Variants in SDK1 observed in about 807,000 individuals in gnomAD.
SDK1 encodes the protein sidekick cell adhesion molecule 1.
A neutral mutation model predicts 245.5 loss-of-function variants in SDK1; 157 were observed. The ratio of observed to expected loss-of-function variants is 0.64; its 90% CI spans 0.56 to 0.73. The LOEUF is 0.73. Among genes scored for constraint, SDK1 ranks in the 30% least tolerant of loss-of-function variants. The probability of loss-of-function intolerance (pLI) is 0.00; values close to 1 mark genes in which losing one functional copy is unlikely to be tolerated. For synonymous variants in SDK1, 1,647 were observed against 1,278.5 expected (o/e 1.29, Z -6.15); for missense variants, 3,583 against 3,002.3 (o/e 1.19, Z -4.52).
intron 1 of SDK1, among the ~76,000 whole-genome samples, chr7:3,384,304 C>G (rs1030777353): frequency 1.3e-5 from 2 of 152,060 alleles, no homozygotes; most frequent in African/African-American, 4.8e-5. Context: ...GAAATATACT[C>G]TGATTTTCAT....
chr7:3,753,962 A>G (rs1012900610), intron 4 of SDK1, among the ~76,000 whole-genome samples: 4 of 152,268 alleles, frequency 2.6e-5, no homozygotes, highest in African/African-American at 9.6e-5. Context: ...TGATTTGATG[A>G]GGAAAATCTA....
chr7:3,547,131 T>G (rs1779248594), intron 1 of SDK1, among the ~76,000 whole-genome samples: 2 of 152,334 alleles, frequency 1.3e-5, no homozygotes, highest in African/African-American at 4.8e-5. Flanking sequence ...TATTATGATT[T>G]AACCCTAATG....
chr7:3,417,867 A>G (rs1368913677), intron 1 of SDK1, among the ~76,000 whole-genome samples: 1 of 152,124 alleles, frequency 6.6e-6, no homozygotes, highest in Non-Finnish European at 1.5e-5. Flanking sequence ...AATTCATTGG[A>G]TGTTTTACAA....
intron 4 of SDK1, among the ~76,000 whole-genome samples, chr7:3,677,246 T>C (rs1435368281): frequency 2.0e-5 from 3 of 152,112 alleles, no homozygotes; most frequent in African/African-American, 4.8e-5. Flanking sequence ...ACTATTTTTA[T>C]TTAACATACG....
At chr7:4,104,109 G>A (rs936220048) in intron 22 of SDK1, among the ~76,000 whole-genome samples, 1 of 152,226 alleles carries the variant, frequency 6.6e-6, no homozygotes, top group Admixed American at 6.5e-5. Flanking sequence ...GCCCATGCTG[G>A]AGTGCAGTTG....
At position 3,880,983 on chromosome 7, in the gene SDK1, C is replaced by A. The variant is rs574311634; in HGVS notation, c.847+59400C>A. On this transcript the variant is annotated intron_variant, in intron 5 of 44. Transcript: ENST00000404826. The stretch of plus-strand genomic sequence containing the variant: ...AAAGAAATGAGTAACAAGCCGCCCA[C>A]TCACCCTTGAGAACAAAAGAAAAGA... Among the ~76,000 whole-genome samples the A allele has an allele frequency of 7.4e-4, 112 of 152,286 alleles. 2 individuals carry two copies. Among genetic ancestry groups the A allele is most frequent in the Middle Eastern group, 6.8e-3 (2 of 294 alleles).
chr7:3,648,933 C>T (rs1782927622), intron 4 of SDK1, among the ~76,000 whole-genome samples: 1 of 152,310 alleles, frequency 6.6e-6, no homozygotes, highest in South Asian at 2.1e-4. Flanking sequence ...GCAATCCTTT[C>T]TGGTATTAAT....
chr7:3,675,704 A>G (rs1276707073), intron 4 of SDK1, among the ~76,000 whole-genome samples: 1 of 152,066 alleles, frequency 6.6e-6, no homozygotes, highest in South Asian at 2.1e-4. Context: ...CACTACAGGC[A>G]TTTTTGTAGA....
intron 1 of SDK1, among the ~76,000 whole-genome samples, chr7:3,443,367 A>G (rs945957452): frequency 9.2e-5 from 14 of 152,206 alleles, no homozygotes; most frequent in Non-Finnish European, 1.9e-4. Context: ...CGTTTATGTC[A>G]AATATATTAA....
intron 19 of SDK1, among the ~76,000 whole-genome samples, chr7:4,062,615 G>C (rs1215338363): frequency 2.0e-5 from 3 of 152,188 alleles, no homozygotes; most frequent in African/African-American, 7.2e-5. Flanking sequence ...TATGAGGTCA[G>C]TGTTACCCAG....
At chr7:3,590,546 A>G (rs1162652198) in intron 1 of SDK1, among the ~76,000 whole-genome samples, 2 of 152,150 alleles carry the variant, frequency 1.3e-5, no homozygotes, top group African/African-American at 4.8e-5. Context: ...AATCACAGTA[A>G]TTCCTTGCAT....
chr7:3,974,526 A>G lies in SDK1; in HGVS notation c.1975A>G (p.Met659Val). The G allele has an allele frequency of 1.2e-6, 2 of 1,614,152 alleles. No individual in the cohort carries two copies. The highest frequency in any genetic ancestry group is 1.7e-6 in the Non-Finnish European group (2 of 1,180,034). The change falls in exon 13 of 45, where the codon ATG (methionine) becomes GTG (valine). Residue 659 changes from methionine to valine, a missense_variant. Met to Val is a conservative substitution (Grantham distance 21). Coordinates refer to ENST00000404826, the MANE Select transcript of SDK1 (RefSeq NM_152744.4). ...TTCTGAAGGAGGGAATGACTCCAGGATGGCCCGGCTGGAAGTGATGTGAGT... is the reference window on the plus strand; with the variant it reads ...TTCTGAAGGAGGGAATGACTCCAGGGTGGCCCGGCTGGAAGTGATGTGAGT... ...IVSEGGNDSR[M>V]ARLEVIELPH...
chr7:3,352,515 T>A (rs1275724843), intron 1 of SDK1, among the ~76,000 whole-genome samples: 1 of 152,160 alleles, frequency 6.6e-6, no homozygotes, highest in Non-Finnish European at 1.5e-5. Flanking sequence ...TTTTATTCAT[T>A]TAGAGGCTGA....
chr7:3,666,811 C>A (rs1206921737), intron 4 of SDK1, among the ~76,000 whole-genome samples: 1 of 152,112 alleles, frequency 6.6e-6, no homozygotes, highest in South Asian at 2.1e-4. Context: ...TCAGGTGGTC[C>A]ATGCCTTCCT....
rs553764350 is a variant in SDK1, at chr7:3,991,282, C to T, written c.2131+3960C>T. ...TGAGATGGGGCTGGGGCGTTGCTGG[C>T]GGCGTGTATTGGTGTTACCTGGGAA... is the stretch of plus-strand genomic sequence containing the variant. On this transcript the variant is annotated intron_variant, in intron 14 of 44. Coordinates refer to ENST00000404826, the MANE Select transcript of SDK1 (RefSeq NM_152744.4). Among the ~76,000 whole-genome samples, 19 of 152,180 alleles carry T rather than the reference C, an allele frequency of 1.2e-4. No individual in the cohort carries two copies. The East Asian group carries it at 3.3e-3, about 26-fold the overall frequency.
At chr7:3,959,466 AT>A (rs2128128604) in intron 8 of SDK1, among the ~76,000 whole-genome samples, 1 of 152,260 alleles carries the variant, frequency 6.6e-6, no homozygotes, top group East Asian at 1.9e-4. Flanking sequence ...GTACAAGGCA[AT>A]TTTGTTCCAC....
At chr7:4,140,615 G>A (rs1386816924) in intron 28 of SDK1, among the ~76,000 whole-genome samples, 1 of 152,112 alleles carries the variant, frequency 6.6e-6, no homozygotes, top group African/African-American at 2.4e-5. Context: ...GGGAAGAGCT[G>A]GGGCTCGATG....
At chr7:3,427,370 T>A (rs1204922817) in intron 1 of SDK1, among the ~76,000 whole-genome samples, 1 of 151,760 alleles carries the variant, frequency 6.6e-6, no homozygotes, top group South Asian at 2.1e-4. Context: ...AATGCAAAAA[T>A]TGGCTGGGTG....
intron 35 of SDK1, among the ~76,000 whole-genome samples, chr7:4,198,602 G>A (rs545224745): frequency 3.3e-5 from 5 of 152,274 alleles, no homozygotes; most frequent in Admixed American, 2.6e-4. Context: ...CATAGAAGGT[G>A]GAGTTGAATA....
Sources: gnomAD v4.1 joint callset for allele counts (sites outside exome capture counted in the v4.1 genomes callset) on GRCh38, gnomAD v4.1.1 for gene constraint, MANE v1.5 for transcripts, NCBI Gene and HGNC (gene_info 2026-07-23, HGNC 2026-07-21) for gene names.